SPAG16: variants seen among roughly 807,000 people sequenced by gnomAD.
SPAG16 encodes sperm-associated antigen 16 protein.
A neutral mutation model predicts 80.4 loss-of-function variants in SPAG16; 86 were observed. That is an observed-to-expected ratio of 1.07 (90% CI 0.90 to 1.28). SPAG16 has a LOEUF of 1.28. Ranked by LOEUF, SPAG16 falls within the 50% of genes most tolerant of loss-of-function variation. The pLI, the probability that SPAG16 is intolerant of heterozygous loss-of-function variation, is 0.00. For synonymous variants in SPAG16, 294 were observed against 265.9 expected (o/e 1.11, Z -1.03); for missense variants, 870 against 765.3 (o/e 1.14, Z -1.61).
intron 11 of SPAG16, among the ~76,000 whole-genome samples, chr2:213,904,619 A>C (rs978626859): frequency 6.0e-4 from 84 of 139,640 alleles, no homozygotes; most frequent in Non-Finnish European, 1.0e-3. Context: ...AAAAAAAAAA[A>C]AACAAAGTAG....
chr2:213,582,563 A>C (rs1037486122), intron 10 of SPAG16, among the ~76,000 whole-genome samples: 1 of 152,186 alleles, frequency 6.6e-6, no homozygotes, highest in South Asian at 2.1e-4. Flanking sequence ...GACTTTAAAA[A>C]GAGGAGTTTT....
At chr2:213,388,892 C>CT (rs761593193) in intron 9 of SPAG16, among the ~76,000 whole-genome samples, 7 of 151,560 alleles carry the variant, frequency 4.6e-5, no homozygotes, top group South Asian at 2.1e-4. Flanking sequence ...TCCCAAAGAC[C>CT]TTTTTTTTGC....
chr2:213,916,292 A>G (rs948717890), intron 11 of SPAG16, among the ~76,000 whole-genome samples: 2 of 152,168 alleles, frequency 1.3e-5, no homozygotes, highest in African/African-American at 4.8e-5. Context: ...ATTTTTGTAT[A>G]AGGTGTAAGG....
Position 214,410,265 on chromosome 2 carries a change from G to C in SPAG16, c.1846G>C (p.Glu616Gln). The C allele has an allele frequency of 6.2e-7, 1 of 1,610,914 alleles. No individual in the cohort carries two copies. ...CACGGTTGTGTTTTCTCACGACGGGGAGATTCTCTTTTCTGGAGGCTCTGA... is the reference window on the plus strand; with the variant it reads ...CACGGTTGTGTTTTCTCACGACGGGCAGATTCTCTTTTCTGGAGGCTCTGA... ...AHTVVFSHDG[E>Q]ILFSGGSDGT... Residue 616 changes from glutamate (E) to glutamine (Q), a missense_variant, in exon 16 of 16, where the codon GAG (glutamate) becomes CAG (glutamine). Glu to Gln is a conservative substitution (Grantham distance 29). Transcript: ENST00000331683.
chr2:213,381,157 G>A (rs1189781817), intron 9 of SPAG16, among the ~76,000 whole-genome samples: 2 of 151,970 alleles, frequency 1.3e-5, no homozygotes, highest in Admixed American at 6.6e-5. Context: ...GCTGTTAGAT[G>A]GTGTTTTGGG....
intron 8 of SPAG16, among the ~76,000 whole-genome samples, chr2:213,370,281 A>G (rs1443981347): frequency 6.6e-6 from 1 of 152,236 alleles, no homozygotes; most frequent in Non-Finnish European, 1.5e-5. Flanking sequence ...AATGTTAAGA[A>G]GTAAAAACAT....
At chr2:213,641,504 C>T (rs2062587224) in intron 10 of SPAG16, among the ~76,000 whole-genome samples, 1 of 152,194 alleles carries the variant, frequency 6.6e-6, no homozygotes, top group Non-Finnish European at 1.5e-5. Context: ...TAGTGGAAGC[C>T]TTCTTCTCCC....
chr2:213,779,071 T>A (rs1321008862), intron 10 of SPAG16, among the ~76,000 whole-genome samples: 2 of 152,224 alleles, frequency 1.3e-5, no homozygotes, highest in Admixed American at 6.5e-5. Context: ...AATGCCTTCA[T>A]CTATTTCAAT....
At chr2:214,213,948 T>A (rs563201009) in intron 15 of SPAG16, among the ~76,000 whole-genome samples, 1 of 152,086 alleles carries the variant, frequency 6.6e-6, no homozygotes, top group Non-Finnish European at 1.5e-5. Flanking sequence ...TTTTAAGGGA[T>A]CTTATTTTCT....
At chr2:213,408,688 A>T (rs561626870) in intron 9 of SPAG16, among the ~76,000 whole-genome samples, 40 of 152,326 alleles carry the variant, frequency 2.6e-4, no homozygotes, top group African/African-American at 9.6e-4. Flanking sequence ...AAAAGACACA[A>T]TGGTTATTCA....
intron 7 of SPAG16, among the ~76,000 whole-genome samples, chr2:213,354,946 T>C (rs2065546088): frequency 6.6e-6 from 1 of 152,248 alleles, no homozygotes; most frequent in African/African-American, 2.4e-5. Flanking sequence ...CCCATGCCTA[T>C]GTCCTAAATG....
At chr2:214,107,462 C>T (rs13426925) in intron 13 of SPAG16, among the ~76,000 whole-genome samples, 19,113 of 152,066 alleles carry the variant, frequency 0.13, 1,368 homozygotes, top group Admixed American at 0.18. Flanking sequence ...CTACAAGAGT[C>T]AAGAATGCCC....
chr2:213,775,500 C>A (rs1467791104), intron 10 of SPAG16, among the ~76,000 whole-genome samples: 1 of 151,990 alleles, frequency 6.6e-6, no homozygotes, highest in East Asian at 1.9e-4. Context: ...ATCTATCTAC[C>A]CTCTTAACAA....
At chr2:213,469,570 GTTTTTTTTTT>G (rs34005287) in intron 9 of SPAG16, among the ~76,000 whole-genome samples, 10 of 79,270 alleles carry the variant, frequency 1.3e-4, no homozygotes, top group Middle Eastern at 0.011. Context: ...ACCTCAGCAG[GTTTTTTTTTT>G]TTTTTTTTTT....
At chr2:213,780,787 G>A (rs1372045482) in intron 10 of SPAG16, among the ~76,000 whole-genome samples, 2 of 151,378 alleles carry the variant, frequency 1.3e-5, no homozygotes, top group African/African-American at 4.8e-5. Context: ...TGCTTTTTTT[G>A]CCAGAGAAGT....
intron 9 of SPAG16, among the ~76,000 whole-genome samples, chr2:213,430,381 C>T (rs1055603446): frequency 1.1e-4 from 17 of 152,252 alleles, no homozygotes; most frequent in South Asian, 2.1e-4. Flanking sequence ...AACCTGTGGC[C>T]CATGGGCTGC....
intron 15 of SPAG16, among the ~76,000 whole-genome samples, chr2:214,387,354 T>C (rs1395767585): frequency 2.0e-5 from 3 of 152,220 alleles, no homozygotes; most frequent in African/African-American, 7.2e-5. Context: ...AATAGGGCGA[T>C]GTTTGATCCA....
chr2:214,246,723 AAC>A lies in SPAG16; in HGVS notation c.1720+97458_1720+97459del, dbSNP rs1228653881. ...AAACCACCCAGCCAAGTCCTTTCTG[AAC>A]TCCAGAGCTTTGGGGAATGTTAAAT... On this transcript the variant is annotated intron_variant, in intron 15 of 15. Transcript: ENST00000331683. 5.0e-3 allele frequency among the ~76,000 whole-genome samples: 764 copies of A among 152,228 alleles called. 5 individuals carry two copies. The highest frequency in any genetic ancestry group is 0.017 in the African/African-American group (723 of 41,548).
chr2:213,904,975 G>C (rs1223741603), intron 11 of SPAG16, among the ~76,000 whole-genome samples: 1 of 152,112 alleles, frequency 6.6e-6, no homozygotes, highest in Non-Finnish European at 1.5e-5. Context: ...GCATAAAAAG[G>C]ATTCTTCAGG....
Sources: allele counts gnomAD v4.1 joint callset (sites outside exome capture counted in the v4.1 genomes callset), GRCh38; gene constraint gnomAD v4.1.1; transcripts MANE v1.5; gene names NCBI Gene and HGNC (gene_info 2026-07-23, HGNC 2026-07-21).